Variants in SLC6A4 observed in about 807,000 individuals in gnomAD.
The protein encoded by SLC6A4 is solute carrier family 6 member 4.
SLC6A4 carries 22 observed loss-of-function variants against 73.4 expected under a neutral mutation model. The observed-to-expected ratio is 0.30, with a 90% CI of 0.21 to 0.43. The LOEUF (loss-of-function observed/expected upper bound fraction) is 0.43. Among genes scored for constraint, SLC6A4 ranks in the 20% least tolerant of loss-of-function variants. The pLI is 1.00. For synonymous variants in SLC6A4, 270 were observed against 315.5 expected (o/e 0.86, Z 1.53); for missense variants, 593 against 808.5 (o/e 0.73, Z 3.23).
intron 1 of SLC6A4, among the ~76,000 whole-genome samples, chr17:30,231,766 G>A (rs1412018478): frequency 6.6e-6 from 1 of 152,152 alleles, no homozygotes. Context: ...CTGCTGACCA[G>A]AACAGCTTAC....
intron 10 of SLC6A4, 39 bp from the exon 11 acceptor site, chr17:30,210,685 G>A (rs1430098397): frequency 6.3e-6 from 10 of 1,589,586 alleles, no homozygotes; most frequent in African/African-American, 1.3e-5. Flanking sequence ...GGAGGCTTTG[G>A]GACAAGGCTG....
chr17:30,221,579 T>C (rs1597642772), intron 3 of SLC6A4, 37 bp downstream of exon 3: 2 of 1,569,758 alleles, frequency 1.3e-6, no homozygotes, highest in Non-Finnish European at 8.7e-7. Flanking sequence ...CAGCCCACCC[T>C]GGGTCACAGC....
intron 1 of SLC6A4, among the ~76,000 whole-genome samples, chr17:30,234,400 A>G (rs1293100445): frequency 6.6e-6 from 1 of 152,168 alleles, no homozygotes; most frequent in Non-Finnish European, 1.5e-5. Flanking sequence ...GGCTTGCTCA[A>G]TTTGCACAAA....
At chr17:30,217,735 A>C (rs1205128544) in intron 5 of SLC6A4, among the ~76,000 whole-genome samples, 1 of 152,196 alleles carries the variant, frequency 6.6e-6, no homozygotes, top group Non-Finnish European at 1.5e-5. Flanking sequence ...GGTAGATCCC[A>C]CTTACGAAGT....
At chr17:30,204,612 C>T (rs543851130) in intron 13 of SLC6A4, 1 of 152,340 alleles carries the variant, frequency 6.6e-6, no homozygotes, top group Admixed American at 6.5e-5. Context: ...AACCCCCTCA[C>T]ACATCCTGGC....
chr17:30,194,863 C>T lies in SLC6A4; in HGVS notation c.*3593G>A, dbSNP rs201177928. 14 of 152,166 alleles carry T rather than the reference C, an allele frequency of 9.2e-5. No homozygotes were observed. Among genetic ancestry groups the T allele is most frequent in the African/African-American group, 2.7e-4 (11 of 41,430 alleles). The allele number at this position is 152,166 out of a possible 1,614,324, so 9.4% of individuals were successfully genotyped here. A position where few individuals can be genotyped will look rare whatever the true frequency, so the allele number is the denominator to read the frequency against. On this transcript the variant is annotated 3_prime_UTR_variant, in exon 15 of 15. Coordinates refer to ENST00000650711, the MANE Select transcript of SLC6A4 (RefSeq NM_001045.6). ...GATGCCATCTATTCTCTCCCCCAAACGACAAAATTCTTCTTAGTTCAGTAG... is the reference window on the plus strand; with the variant it reads ...GATGCCATCTATTCTCTCCCCCAAATGACAAAATTCTTCTTAGTTCAGTAG...
At chr17:30,233,102 G>A (rs1253232878) in intron 1 of SLC6A4, among the ~76,000 whole-genome samples, 1 of 152,200 alleles carries the variant, frequency 6.6e-6, no homozygotes, top group Non-Finnish European at 1.5e-5. Context: ...CCCAGAAACA[G>A]ATTCCCTGTA....
intron 8 of SLC6A4, among the ~76,000 whole-genome samples, chr17:30,213,201 G>A (rs764457754): frequency 1.1e-4 from 17 of 152,170 alleles, no homozygotes; most frequent in Non-Finnish European, 2.1e-4. Flanking sequence ...TGGGGGCCAG[G>A]ACAGGGCCTG....
intron 5 of SLC6A4, 93 bp downstream of exon 5, chr17:30,218,025 G>A: frequency 1.1e-6 from 1 of 925,576 alleles, no homozygotes; most frequent in Non-Finnish European, 1.7e-6. Flanking sequence ...AAAGGGGTGA[G>A]GAGCCCTTGG....
chr17:30,216,842 T>TG (rs1423764917), intron 6 of SLC6A4, among the ~76,000 whole-genome samples: 47 of 121,344 alleles, frequency 3.9e-4, no homozygotes, highest in Middle Eastern at 4.5e-3. Context: ...CTATTGTTTT[T>TG]TTTTGTTTGT....
intron 10 of SLC6A4, 64 bp from the exon 11 acceptor site, chr17:30,210,710 G>T: frequency 6.5e-7 from 1 of 1,531,868 alleles, no homozygotes; most frequent in Non-Finnish European, 8.8e-7. Flanking sequence ...CTTCAGGACA[G>T]TGAACAGGAG....
intron 3 of SLC6A4, 37 bp from the exon 4 acceptor site, chr17:30,218,968 C>A: frequency 6.2e-7 from 1 of 1,612,328 alleles, no homozygotes; most frequent in Non-Finnish European, 8.5e-7. Context: ...TCCCTGCCCA[C>A]GTCTGTCCCA....
rs1312855316 is a variant in SLC6A4 at position 30,196,031 on chromosome 17, T to C, written c.*2425A>G. ...CGGCGTTTCACTATGTTGGCCAAGC[T>C]GGTCTCAAACTCCTGATGTCATGTG... On this transcript the variant is annotated 3_prime_UTR_variant, in exon 15 of 15. Transcript: ENST00000650711. The C allele has an allele frequency of 6.6e-6, 1 of 152,016 alleles. No homozygotes were observed. The highest frequency in any genetic ancestry group is 1.5e-5 in the Non-Finnish European group (1 of 68,008). 9.4% of individuals were successfully genotyped at this position (152,016 alleles called of 1,614,324 possible). A position where few individuals can be genotyped will look rare whatever the true frequency, so the allele number is the denominator to read the frequency against.
chr17:30,230,105 GAGGAA>G, intron 1 of SLC6A4, among the ~76,000 whole-genome samples: 2 of 133,816 alleles, frequency 1.5e-5, no homozygotes, highest in African/African-American at 6.2e-5. Flanking sequence ...AGAGGAGGAA[GAGGAA>G]GAGGAAGAGG....
chr17:30,231,327 ACACAC>A (rs1219243034), intron 1 of SLC6A4, among the ~76,000 whole-genome samples: 5 of 151,336 alleles, frequency 3.3e-5, no homozygotes, highest in East Asian at 1.9e-4. Flanking sequence ...ATATATATAT[ACACAC>A]TATATATATC....
chr17:30,221,178 T>C (rs1906736707), intron 3 of SLC6A4, among the ~76,000 whole-genome samples: 1 of 151,792 alleles, frequency 6.6e-6, no homozygotes, highest in African/African-American at 2.4e-5. Flanking sequence ...GGTTTTGCCA[T>C]GTTGGTCAGG....
chr17:30,201,164 C>T (rs1906021204), intron 14 of SLC6A4, among the ~76,000 whole-genome samples: 1 of 152,176 alleles, frequency 6.6e-6, no homozygotes, highest in Non-Finnish European at 1.5e-5. Context: ...GCAGTAATAC[C>T]TGTGACAGCC....
At position 30,217,298 on chromosome 17, in the gene SLC6A4, G is replaced by C; in HGVS notation, c.705C>G (p.His235Gln). The C allele has an allele frequency of 1.9e-6, 3 of 1,613,688 alleles. No homozygotes were observed. The highest frequency in any genetic ancestry group is 2.5e-6 in the Non-Finnish European group (3 of 1,179,814). Residue 235 changes from histidine to glutamine, a missense_variant, in exon 6 of 15, where the codon CAC (histidine) becomes CAG (glutamine). His to Gln is a conservative substitution (Grantham distance 24). Coordinates refer to ENST00000650711, the MANE Select transcript of SLC6A4 (RefSeq NM_001045.6). ...CCTTAGACCGGTGGATCTGCAGGAC[G>C]TGGCGCCTGGGGTGAAGGAGAAAGA... ...TSPAEEFYTRHVLQIHRSKGL... is the reference protein window; with the variant it reads ...TSPAEEFYTRQVLQIHRSKGL...
chr17:30,210,701 T>G, intron 10 of SLC6A4, 55 bp from the exon 11 acceptor site: 2 of 1,560,736 alleles, frequency 1.3e-6, no homozygotes, highest in East Asian at 4.6e-5. Flanking sequence ...GGCTGTGGCC[T>G]TCAGGACAGT....
Sources: allele counts gnomAD v4.1 joint callset (sites outside exome capture counted in the v4.1 genomes callset), GRCh38; gene constraint gnomAD v4.1.1; transcripts MANE v1.5; gene names NCBI Gene and HGNC (gene_info 2026-07-23, HGNC 2026-07-21).